Variants in MEGF11 observed in about 807,000 individuals in gnomAD.
MEGF11 encodes multiple epidermal growth factor-like domains protein 11.
A neutral mutation model predicts 146.6 loss-of-function variants in MEGF11; 126 were observed. The ratio of observed to expected loss-of-function variants is 0.86; its 90% CI spans 0.74 to 1.00. The LOEUF (loss-of-function observed/expected upper bound fraction) is 1.00, where lower values mean the gene tolerates loss of function less well. Among genes scored for constraint, MEGF11 ranks in the 50% least tolerant of loss-of-function variants. The probability of loss-of-function intolerance (pLI) is 0.00; values close to 1 mark genes in which losing one functional copy is unlikely to be tolerated. For synonymous variants in MEGF11, 532 were observed against 583.4 expected (o/e 0.91, Z 1.27); for missense variants, 1,509 against 1,521.2 (o/e 0.99, Z 0.13).
At chr15:66,158,454 T>G (rs1055241808) in intron 1 of MEGF11, among the ~76,000 whole-genome samples, 4 of 152,254 alleles carry the variant, frequency 2.6e-5, no homozygotes, top group Non-Finnish European at 4.4e-5. Context: ...CTCTGCCCCT[T>G]GGGCTGGGAA....
intron 5 of MEGF11, among the ~76,000 whole-genome samples, chr15:65,984,543 A>T (rs987607315): frequency 1.3e-5 from 2 of 149,830 alleles, no homozygotes; most frequent in East Asian, 3.9e-4. Context: ...AAAAAAAAAA[A>T]AAAAAAAGGC....
intron 4 of MEGF11, among the ~76,000 whole-genome samples, chr15:66,095,364 C>G (rs77023292): frequency 6.6e-6 from 1 of 152,242 alleles, no homozygotes; most frequent in Non-Finnish European, 1.5e-5. Flanking sequence ...GTGCCACCTC[C>G]ACCAAGTCTG....
intron 1 of MEGF11, among the ~76,000 whole-genome samples, chr15:66,196,253 C>G (rs908131263): frequency 6.6e-6 from 1 of 152,098 alleles, no homozygotes; most frequent in Non-Finnish European, 1.5e-5. Context: ...GAGTGAATCA[C>G]CTGAGGTCAG....
intron 24 of MEGF11, among the ~76,000 whole-genome samples, chr15:65,902,999 A>C (rs1317518904): frequency 6.6e-6 from 1 of 152,144 alleles, no homozygotes; most frequent in East Asian, 1.9e-4. Flanking sequence ...CCGAATATCC[A>C]TCTCTTGCTT....
chr15:66,001,379 C>T (rs149200630), intron 5 of MEGF11, among the ~76,000 whole-genome samples: 335 of 152,256 alleles, frequency 2.2e-3, no homozygotes, highest in African/African-American at 7.7e-3. Flanking sequence ...GACACTTCCC[C>T]AGGCTGGAAG....
chr15:66,194,408 A>G (rs2090957090), intron 1 of MEGF11, among the ~76,000 whole-genome samples: 1 of 152,200 alleles, frequency 6.6e-6, no homozygotes, highest in South Asian at 2.1e-4. Flanking sequence ...CAGGAGTTCA[A>G]GACCAGCCTG....
At chr15:65,928,889 A>G (rs1457964712) in intron 12 of MEGF11, among the ~76,000 whole-genome samples, 2 of 152,222 alleles carry the variant, frequency 1.3e-5, no homozygotes, top group Non-Finnish European at 2.9e-5. Flanking sequence ...TGCACTTTGC[A>G]GATTGTAACA....
At chr15:65,987,306 C>T (rs932682390) in intron 5 of MEGF11, among the ~76,000 whole-genome samples, 1 of 152,176 alleles carries the variant, frequency 6.6e-6, no homozygotes. Flanking sequence ...CCAGCCTGGG[C>T]TTAAACAGCC....
At chr15:66,229,852 T>C (rs28729796) in intron 1 of MEGF11, among the ~76,000 whole-genome samples, 42,034 of 152,104 alleles carry the variant, frequency 0.28, 6,200 homozygotes, top group Non-Finnish European at 0.35. Context: ...GGGGACCCCA[T>C]TGGGCAATGG....
chr15:66,060,140 C>G (rs116295044), intron 5 of MEGF11, among the ~76,000 whole-genome samples: 2,250 of 150,914 alleles, frequency 0.015, 60 homozygotes, highest in African/African-American at 0.051. Flanking sequence ...GGGCCCGGGA[C>G]CGGAGATACT....
chr15:66,236,061 A>T (rs2140220219), intron 1 of MEGF11, among the ~76,000 whole-genome samples: 1 of 152,318 alleles, frequency 6.6e-6, no homozygotes, highest in African/African-American at 2.4e-5. Flanking sequence ...AGTTCAGGGA[A>T]GGCTTCCTGG....
intron 1 of MEGF11, among the ~76,000 whole-genome samples, chr15:66,160,705 A>ACC (rs56108395): frequency 2.0e-4 from 29 of 145,156 alleles, no homozygotes; most frequent in South Asian, 4.3e-4. Context: ...ACACACACAC[A>ACC]CCCTTGCCCT....
chr15:66,187,256 A>C (rs28440153), intron 1 of MEGF11, among the ~76,000 whole-genome samples: 60 of 152,364 alleles, frequency 3.9e-4, no homozygotes, highest in African/African-American at 1.4e-3. Context: ...CGCCTGGCCA[A>C]GCACTTCTCT....
chr15:66,176,409 G>A (rs2090389563), intron 1 of MEGF11, among the ~76,000 whole-genome samples: 1 of 152,124 alleles, frequency 6.6e-6, no homozygotes, highest in East Asian at 1.9e-4. Context: ...AGGGTAGGGA[G>A]GCTGGGGTGG....
intron 1 of MEGF11, among the ~76,000 whole-genome samples, chr15:66,199,291 A>T (rs1157311646): frequency 6.6e-6 from 1 of 152,196 alleles, no homozygotes; most frequent in African/African-American, 2.4e-5. Flanking sequence ...AGCAGTGGAT[A>T]ATCCAAAAAA....
chr15:65,991,397 C>G (rs1328433437), intron 5 of MEGF11, among the ~76,000 whole-genome samples: 1 of 152,198 alleles, frequency 6.6e-6, no homozygotes, highest in Admixed American at 6.5e-5. Context: ...ATTCCATTTT[C>G]CAATGAGAAA....
intron 7 of MEGF11, among the ~76,000 whole-genome samples, chr15:65,971,992 A>G (rs1241193058): frequency 1.3e-5 from 2 of 152,206 alleles, no homozygotes; most frequent in Non-Finnish European, 2.9e-5. Flanking sequence ...GCTATAAAAT[A>G]GGATATCCAG....
chr15:65,986,290 G>C (rs1245583601), intron 5 of MEGF11, among the ~76,000 whole-genome samples: 1 of 152,112 alleles, frequency 6.6e-6, no homozygotes, highest in Non-Finnish European at 1.5e-5. Flanking sequence ...CAAGAGCTCT[G>C]TGTCATAGTA....
At chr15:66,187,167 G>T (rs921945526) in intron 1 of MEGF11, among the ~76,000 whole-genome samples, 1 of 152,192 alleles carries the variant, frequency 6.6e-6, no homozygotes, top group African/African-American at 2.4e-5. Context: ...ATTGTTTTGG[G>T]ATAATTCCAA....
Sources: gnomAD v4.1 joint callset for allele counts (sites outside exome capture counted in the v4.1 genomes callset) on GRCh38, gnomAD v4.1.1 for gene constraint, MANE v1.5 for transcripts, NCBI Gene and HGNC (gene_info 2026-07-23, HGNC 2026-07-21) for gene names.